Variants in TRPS1 observed in about 807,000 individuals in gnomAD.
TRPS1 encodes zinc finger transcription factor Trps1.
In TRPS1, 6 loss-of-function variants were observed where a neutral mutation model predicts 101.2. That is an observed-to-expected ratio of 0.06 (90% confidence interval 0.03 to 0.12). The LOEUF is 0.12. Among genes scored for constraint, TRPS1 ranks in the 10% least tolerant of loss-of-function variants. The probability of loss-of-function intolerance (pLI) is 1.00; values close to 1 mark genes in which losing one functional copy is unlikely to be tolerated. For missense variants in TRPS1, 1,363 were observed against 1,567.0 expected (o/e 0.87, Z 2.20); for synonymous variants, 578 against 589.8 (o/e 0.98, Z 0.29).
At chr8:115,541,362 A>C (rs1816448818) in intron 5 of TRPS1, among the ~76,000 whole-genome samples, 1 of 152,210 alleles carries the variant, frequency 6.6e-6, no homozygotes, top group Non-Finnish European at 1.5e-5. Flanking sequence ...AATACACATT[A>C]ATGCTTTCAC....
intron 2 of TRPS1, 67 bp downstream of exon 2, chr8:115,623,534 C>T (rs969071965): frequency 3.1e-5 from 48 of 1,560,198 alleles, no homozygotes; most frequent in South Asian, 9.1e-5. Context: ...ACAGATTGCA[C>T]GATGTTTTAC....
At chr8:115,598,721 G>C (rs1176970367) in intron 4 of TRPS1, among the ~76,000 whole-genome samples, 1 of 152,178 alleles carries the variant, frequency 6.6e-6, no homozygotes, top group Admixed American at 6.5e-5. Context: ...ATTCTTAGGA[G>C]ATAGCTTTGA....
At chr8:115,478,345 A>T (rs1409081647) in intron 5 of TRPS1, among the ~76,000 whole-genome samples, 9 of 152,178 alleles carry the variant, frequency 5.9e-5, no homozygotes, top group Non-Finnish European at 1.5e-5. Flanking sequence ...GACATAACTC[A>T]ATTTTTTCAA....
At chr8:115,528,823 G>A (rs1816062385) in intron 5 of TRPS1, among the ~76,000 whole-genome samples, 2 of 151,898 alleles carry the variant, frequency 1.3e-5, no homozygotes. Flanking sequence ...GGTATAACAT[G>A]CAGTTATAAA....
At chr8:115,563,021 A>G (rs1019722406) in intron 5 of TRPS1, among the ~76,000 whole-genome samples, 4 of 151,810 alleles carry the variant, frequency 2.6e-5, no homozygotes, top group African/African-American at 9.7e-5. Context: ...GAGTAGATTA[A>G]ATGCAAAGCA....
In TRPS1 at chr8:115,413,829, T is replaced by A; in HGVS notation, c.*194A>T. The A allele has an allele frequency of 1.6e-6, 1 of 607,628 alleles. No individual in the cohort carries two copies. Among genetic ancestry groups the A allele is most frequent in the Non-Finnish European group, 2.8e-6 (1 of 354,232 alleles). The allele number at this position is 607,628 out of a possible 1,614,324, so 37.6% of individuals were successfully genotyped here. On this transcript the variant is annotated 3_prime_UTR_variant, in exon 7 of 7. Transcript: ENST00000395715. ...GTTTACCATCTTCCATTCTTTCTCA[T>A]TGACCATTTATCTCACTTTTTAATC...
intron 5 of TRPS1, among the ~76,000 whole-genome samples, chr8:115,576,778 TC>T (rs1483620952): frequency 1.3e-5 from 2 of 152,180 alleles, no homozygotes; most frequent in African/African-American, 4.8e-5. Context: ...TTTAGACTCT[TC>T]AAAAATATTT....
chr8:115,462,537 G>A (rs1191068696), intron 5 of TRPS1, among the ~76,000 whole-genome samples: 2 of 152,032 alleles, frequency 1.3e-5, no homozygotes, highest in African/African-American at 4.8e-5. Flanking sequence ...TCCGACACAT[G>A]AGTGCAGGAC....
intron 5 of TRPS1, among the ~76,000 whole-genome samples, chr8:115,478,430 T>C (rs1483022827): frequency 6.6e-6 from 1 of 152,188 alleles, no homozygotes; most frequent in Non-Finnish European, 1.5e-5. Context: ...ATTGTTTGAT[T>C]TCCCCATGCT....
chr8:115,422,720 C>A (rs191364340), intron 5 of TRPS1, among the ~76,000 whole-genome samples: 1 of 152,274 alleles, frequency 6.6e-6, no homozygotes, highest in Non-Finnish European at 1.5e-5. Flanking sequence ...GTGCTGGGGG[C>A]AGCTCTCTTT....
In TRPS1 at chr8:115,552,390, A is replaced by T. The variant is rs547462411; in HGVS notation, c.2700+34611T>A. Among the ~76,000 whole-genome samples, 129 of 152,288 alleles carry T rather than the reference A, an allele frequency of 8.5e-4. 1 individual carries two copies. The highest frequency in any genetic ancestry group is 3.4e-3 in the Middle Eastern group (1 of 294). ...TCATTTCACCTCTTTAAAAAAAATG[A>T]AAAGATATTCTGATCTGTTGTTTAC... On this transcript the variant is annotated intron_variant, in intron 5 of 6. Coordinates refer to ENST00000395715, the MANE Select transcript of TRPS1 (RefSeq NM_014112.5).
chr8:115,458,162 TC>T (rs1586293529), intron 5 of TRPS1, among the ~76,000 whole-genome samples: 1 of 152,150 alleles, frequency 6.6e-6, no homozygotes, highest in East Asian at 1.9e-4. Flanking sequence ...AAGATGGGAT[TC>T]CCGAGGGATA....
intron 5 of TRPS1, among the ~76,000 whole-genome samples, chr8:115,506,251 G>T (rs565803606): frequency 6.7e-6 from 1 of 150,058 alleles, no homozygotes; most frequent in African/African-American, 2.4e-5. Context: ...AAACATGCAG[G>T]AAAAAAAAAC....
At position 115,409,957 on chromosome 8, in the gene TRPS1, G is replaced by A; in HGVS notation, c.*4066C>T. 6.8e-6 allele frequency: 1 copy of A among 146,862 alleles called. No individual in the cohort carries two copies. The highest frequency in any genetic ancestry group is 1.5e-5 in the Non-Finnish European group (1 of 67,330). The allele number at this position is 146,862 out of a possible 1,614,324, so 9.1% of individuals were successfully genotyped here. A position where few individuals can be genotyped will look rare whatever the true frequency, so the allele number is the denominator to read the frequency against. On this transcript the variant is annotated 3_prime_UTR_variant, in exon 7 of 7. Coordinates refer to ENST00000395715, the MANE Select transcript of TRPS1 (RefSeq NM_014112.5). ...TGCCATGGCTCTCAAACCAAAGACA[G>A]TAGCTAAAGTTGACCTCCTCTCAAC...
intron 5 of TRPS1, among the ~76,000 whole-genome samples, chr8:115,419,940 T>C (rs1813011281): frequency 6.6e-6 from 1 of 152,068 alleles, no homozygotes; most frequent in Non-Finnish European, 1.5e-5. Flanking sequence ...CGTAAAGAAA[T>C]GAGGGCTGGT....
intron 1 of TRPS1, among the ~76,000 whole-genome samples, chr8:115,646,021 GTTAAAA>G (rs1317268541): frequency 6.6e-6 from 1 of 152,008 alleles, no homozygotes; most frequent in Non-Finnish European, 1.5e-5. Flanking sequence ...AAATATAATT[GTTAAAA>G]TTAAAAATAA....
At chr8:115,668,052 G>C in intron 1 of TRPS1, 1 of 697,626 alleles carries the variant, frequency 1.4e-6, no homozygotes, top group Admixed American at 2.7e-5. Context: ...GGGCTGCGAG[G>C]GGGAGGGGGC....
At chr8:115,634,042 C>T (rs959841584) in intron 1 of TRPS1, among the ~76,000 whole-genome samples, 3 of 152,108 alleles carry the variant, frequency 2.0e-5, no homozygotes, top group African/African-American at 7.2e-5. Context: ...AGGCAGCCCA[C>T]AAATGTGCTA....
At chr8:115,461,260 G>A (rs535548363) in intron 5 of TRPS1, among the ~76,000 whole-genome samples, 1,684 of 83,010 alleles carry the variant, frequency 0.02, 32 homozygotes, top group African/African-American at 0.051. Context: ...AGGATAGATA[G>A]ATAGATAGAT....
Sources: allele counts gnomAD v4.1 joint callset (sites outside exome capture counted in the v4.1 genomes callset), GRCh38; gene constraint gnomAD v4.1.1; transcripts MANE v1.5; gene names NCBI Gene and HGNC (gene_info 2026-07-23, HGNC 2026-07-21).